The following RALYL variants were observed in gnomAD, a reference collection of about 807,000 sequenced individuals.
The protein encoded by RALYL is RNA-binding Raly-like protein.
In RALYL, 29 loss-of-function variants were observed where a neutral mutation model predicts 35.1. That is an observed-to-expected ratio of 0.83 (90% CI 0.61 to 1.13). The LOEUF (loss-of-function observed/expected upper bound fraction) is 1.13, where lower values mean the gene tolerates loss of function less well. Among genes scored for constraint, RALYL ranks in the 50% most tolerant of loss-of-function variants. The probability of loss-of-function intolerance (pLI) is 0.00; values close to 1 mark genes in which losing one functional copy is unlikely to be tolerated. For missense variants in RALYL, 359 were observed against 360.4 expected, an observed-to-expected ratio of 1.00 and a Z score of 0.03; for synonymous variants, 120 against 127.6, an observed-to-expected ratio of 0.94 and a Z score of 0.40.
chr8:84,769,956 C>G (rs1815033406), intron 2 of RALYL, among the ~76,000 whole-genome samples: 1 of 152,130 alleles, frequency 6.6e-6, no homozygotes, highest in African/African-American at 2.4e-5. Context: ...ACTTTAATGT[C>G]TTCTGGGTGT....
intron 2 of RALYL, among the ~76,000 whole-genome samples, chr8:84,692,679 G>A (rs917745907): frequency 1.3e-5 from 2 of 152,026 alleles, no homozygotes; most frequent in Non-Finnish European, 2.9e-5. Flanking sequence ...AAAATGCAAA[G>A]TATGTAGCAT....
chr8:84,684,348 A>G (rs1490296413), intron 2 of RALYL, among the ~76,000 whole-genome samples: 1 of 152,198 alleles, frequency 6.6e-6, no homozygotes, highest in Non-Finnish European at 1.5e-5. Context: ...AGGATGAGGA[A>G]GATGATCACT....
chr8:84,844,256 T>G (rs2134664457), intron 4 of RALYL, among the ~76,000 whole-genome samples: 1 of 152,154 alleles, frequency 6.6e-6, no homozygotes. Flanking sequence ...TACAATGAAC[T>G]CAAACAAATT....
intron 1 of RALYL, among the ~76,000 whole-genome samples, chr8:84,218,342 T>C (rs1821336387): frequency 6.6e-6 from 1 of 151,994 alleles, no homozygotes; most frequent in South Asian, 2.1e-4. Context: ...GAATGATGAC[T>C]TCCTATATAT....
chr8:84,223,693 A>G (rs1028277369), intron 1 of RALYL, among the ~76,000 whole-genome samples: 1 of 152,206 alleles, frequency 6.6e-6, no homozygotes, highest in Non-Finnish European at 1.5e-5. Context: ...CTGAGGTTCT[A>G]AAGTTGAATG....
chr8:84,629,154 C>T (rs933228625), intron 2 of RALYL, among the ~76,000 whole-genome samples: 1 of 151,950 alleles, frequency 6.6e-6, no homozygotes, highest in African/African-American at 2.4e-5. Context: ...TGCATATCAC[C>T]TTCTAATATA....
At chr8:84,468,064 T>C (rs1176254008) in intron 1 of RALYL, among the ~76,000 whole-genome samples, 1 of 150,538 alleles carries the variant, frequency 6.6e-6, no homozygotes, top group Non-Finnish European at 1.5e-5. Context: ...GTTTCCTGAA[T>C]ACAGCACACT....
At chr8:84,743,018 A>G (rs1286594499) in intron 2 of RALYL, among the ~76,000 whole-genome samples, 1 of 152,004 alleles carries the variant, frequency 6.6e-6, no homozygotes, top group Non-Finnish European at 1.5e-5. Context: ...TGACAGAGTC[A>G]TTTCTCTTCT....
intron 1 of RALYL, among the ~76,000 whole-genome samples, chr8:84,280,818 C>T (rs759973522): frequency 1.3e-5 from 2 of 151,396 alleles, no homozygotes; most frequent in Non-Finnish European, 2.9e-5. Context: ...AAACTCTTCC[C>T]ACCCATTAAT....
At chr8:84,868,209 T>A (rs1488148805) in intron 6 of RALYL, among the ~76,000 whole-genome samples, 2 of 152,224 alleles carry the variant, frequency 1.3e-5, no homozygotes, top group Non-Finnish European at 2.9e-5. Flanking sequence ...TAAAGAACAC[T>A]TAAAAAATTT....
At chr8:84,609,297 A>T (rs546221982) in intron 2 of RALYL, among the ~76,000 whole-genome samples, 1 of 152,132 alleles carries the variant, frequency 6.6e-6, no homozygotes, top group Non-Finnish European at 1.5e-5. Flanking sequence ...TCTTTGATCA[A>T]CTTAACCTGT....
intron 2 of RALYL, among the ~76,000 whole-genome samples, chr8:84,536,407 T>A (rs752477618): frequency 5.3e-5 from 8 of 152,220 alleles, no homozygotes; most frequent in Non-Finnish European, 1.2e-4. Flanking sequence ...AACAAATACA[T>A]TAGTTTTACC....
chr8:84,513,798 T>C (rs187126674), intron 1 of RALYL, among the ~76,000 whole-genome samples: 3 of 152,078 alleles, frequency 2.0e-5, no homozygotes, highest in African/African-American at 7.2e-5. Context: ...CCTTTGAAGA[T>C]AAGAAATGCC....
At chr8:84,732,790 A>G (rs956626469) in intron 2 of RALYL, among the ~76,000 whole-genome samples, 39 of 151,454 alleles carry the variant, frequency 2.6e-4, no homozygotes, top group African/African-American at 8.5e-4. Context: ...TCTGCCTCCC[A>G]GATTCAAGCG....
intron 2 of RALYL, among the ~76,000 whole-genome samples, chr8:84,530,081 G>C (rs1323230647): frequency 2.6e-5 from 4 of 152,034 alleles, no homozygotes; most frequent in African/African-American, 9.7e-5. Context: ...AGGATTTTGT[G>C]TATTATACCT....
intron 8 of RALYL, among the ~76,000 whole-genome samples, chr8:84,899,633 A>G (rs1287364402): frequency 2.0e-5 from 3 of 152,172 alleles, no homozygotes; most frequent in Middle Eastern, 3.2e-3. Flanking sequence ...CAGCAGCCTG[A>G]GTCTTGAAGG....
At chr8:84,686,278 A>C (rs139676621) in intron 2 of RALYL, among the ~76,000 whole-genome samples, 1 of 152,306 alleles carries the variant, frequency 6.6e-6, no homozygotes, top group East Asian at 1.9e-4. Context: ...ATATCAGCAG[A>C]AAAGAGGAAA....
At chr8:84,661,576 A>G (rs1020252935) in intron 2 of RALYL, among the ~76,000 whole-genome samples, 1 of 150,932 alleles carries the variant, frequency 6.6e-6, no homozygotes. Context: ...AATTTATGGC[A>G]ATAGTTTTTT....
At chr8:84,456,143 G>A (rs1047615623) in intron 1 of RALYL, among the ~76,000 whole-genome samples, 1 of 151,992 alleles carries the variant, frequency 6.6e-6, no homozygotes, top group African/African-American at 2.4e-5. Context: ...AGAGAGACAA[G>A]CATGTAGCTC....
Sources: gnomAD v4.1 joint callset for allele counts (sites outside exome capture counted in the v4.1 genomes callset) on GRCh38, gnomAD v4.1.1 for gene constraint, MANE v1.5 for transcripts, NCBI Gene and HGNC (gene_info 2026-07-23, HGNC 2026-07-21) for gene names.